The following VWA3B variants were observed in gnomAD, a reference collection of about 807,000 sequenced individuals.
VWA3B encodes the protein von Willebrand factor A domain-containing protein 3B.
A neutral mutation model predicts 158.3 loss-of-function variants in VWA3B; 138 were observed. The ratio of observed to expected loss-of-function variants is 0.87; its 90% CI spans 0.76 to 1.00. The LOEUF (loss-of-function observed/expected upper bound fraction) is 1.00, where lower values mean the gene tolerates loss of function less well. VWA3B is among the 50% of genes least tolerant of loss of function. The pLI is 0.00. For synonymous variants in VWA3B, 596 were observed against 587.3 expected, an observed-to-expected ratio of 1.01 and a Z score of -0.21; for missense variants, 1,555 against 1,565.1, an observed-to-expected ratio of 0.99 and a Z score of 0.11.
intron 21 of VWA3B, 151 bp downstream of exon 21, chr2:98,256,325 A>G (rs1574212965): frequency 1.1e-6 from 1 of 883,590 alleles, no homozygotes; most frequent in Non-Finnish European, 1.7e-6. Flanking sequence ...AAACTTTTTC[A>G]TTACCCCAGA....
At chr2:98,211,050 G>A (rs2105542907) in intron 12 of VWA3B, among the ~76,000 whole-genome samples, 1 of 152,320 alleles carries the variant, frequency 6.6e-6, no homozygotes. Context: ...GAACTGCAGC[G>A]GGGCCCCCAC....
intron 8 of VWA3B, among the ~76,000 whole-genome samples, chr2:98,168,051 T>G (rs1270497623): frequency 1.3e-5 from 2 of 151,906 alleles, no homozygotes; most frequent in African/African-American, 4.8e-5. Context: ...AAGGTCAAAC[T>G]CAAAATGATT....
At chr2:98,240,963 G>A (rs1686038111) in intron 19 of VWA3B, among the ~76,000 whole-genome samples, 1 of 152,156 alleles carries the variant, frequency 6.6e-6, no homozygotes, top group Non-Finnish European at 1.5e-5. Context: ...CTAGAATACA[G>A]TGCCAAACAG....
At chr2:98,090,146 C>G (rs1682174481) in intron 1 of VWA3B, among the ~76,000 whole-genome samples, 1 of 152,206 alleles carries the variant, frequency 6.6e-6, no homozygotes, top group Non-Finnish European at 1.5e-5. Context: ...AAAGTTTCTT[C>G]TGAGCTTCCC....
chr2:98,233,145 T>C (rs920651607), intron 16 of VWA3B, among the ~76,000 whole-genome samples: 1 of 152,200 alleles, frequency 6.6e-6, no homozygotes, highest in Non-Finnish European at 1.5e-5. Context: ...TTTGCCAGAG[T>C]TGCTACTTGT....
At chr2:98,142,245 G>A (rs1355806234) in intron 7 of VWA3B, among the ~76,000 whole-genome samples, 2 of 152,152 alleles carry the variant, frequency 1.3e-5, no homozygotes, top group African/African-American at 4.8e-5. Context: ...GGCTGTGGAT[G>A]TGAAAATCTT....
intron 8 of VWA3B, among the ~76,000 whole-genome samples, chr2:98,168,525 CT>C (rs945194764): frequency 5.9e-5 from 9 of 152,124 alleles, no homozygotes; most frequent in Admixed American, 1.3e-4. Flanking sequence ...AGCCATTCAG[CT>C]TTCTTAACTT....
chr2:98,279,609 A>G (rs1029634158), intron 22 of VWA3B, among the ~76,000 whole-genome samples: 14 of 152,208 alleles, frequency 9.2e-5, no homozygotes, highest in Non-Finnish European at 2.9e-5. Context: ...AGGTCAGTCT[A>G]AGGCAGTCCG....
intron 7 of VWA3B, among the ~76,000 whole-genome samples, chr2:98,147,239 C>T (rs1366083567): frequency 6.6e-6 from 1 of 152,084 alleles, no homozygotes; most frequent in Non-Finnish European, 1.5e-5. Flanking sequence ...GGAAGTGTTG[C>T]TTGGTGCATG....
At chr2:98,310,533 A>G (rs549810329) in intron 26 of VWA3B, among the ~76,000 whole-genome samples, 66 of 152,336 alleles carry the variant, frequency 4.3e-4, no homozygotes, top group Non-Finnish European at 8.4e-4. Context: ...ATCCTAACTC[A>G]TGGAAAATAG....
intron 7 of VWA3B, among the ~76,000 whole-genome samples, chr2:98,136,599 G>A (rs1219388093): frequency 7.1e-6 from 1 of 140,998 alleles, no homozygotes; most frequent in South Asian, 2.2e-4. Context: ...GAGATGAAAG[G>A]GCCAAAAAAA....
intron 2 of VWA3B, among the ~76,000 whole-genome samples, chr2:98,108,652 A>G (rs192032324): frequency 2.0e-5 from 3 of 152,252 alleles, no homozygotes; most frequent in African/African-American, 4.8e-5. Context: ...TTTTTCTAAT[A>G]TAGCCAATCC....
At chr2:98,324,166 CA>C in the VWA3B span, among the ~76,000 whole-genome samples, 1 of 151,668 alleles carries the variant, frequency 6.6e-6, no homozygotes, top group East Asian at 1.9e-4. Flanking sequence ...ACGTCTCTGA[CA>C]CTTTTTTTTT....
chr2:98,198,969 A>T (rs1050627803), intron 12 of VWA3B, among the ~76,000 whole-genome samples: 1 of 151,924 alleles, frequency 6.6e-6, no homozygotes. Flanking sequence ...CGCCTGTAGT[A>T]CCAGCTACTC....
chr2:98,236,355 A>G, intron 17 of VWA3B, 35 bp from the exon 18 acceptor site: 1 of 1,612,034 alleles, frequency 6.2e-7, no homozygotes, highest in Non-Finnish European at 8.5e-7. Context: ...CCCATATGTG[A>G]GGAAAATATA....
chr2:98,090,037 C>G (rs959158817), intron 1 of VWA3B, among the ~76,000 whole-genome samples: 2 of 152,110 alleles, frequency 1.3e-5, no homozygotes, highest in Non-Finnish European at 1.5e-5. Flanking sequence ...AAAGTGCTCC[C>G]TTTTAAACCT....
intron 20 of VWA3B, among the ~76,000 whole-genome samples, chr2:98,252,042 C>G (rs990715891): frequency 6.6e-6 from 1 of 152,176 alleles, no homozygotes; most frequent in Non-Finnish European, 1.5e-5. Context: ...GGCTCCTCTC[C>G]GGTTATGCTG....
chr2:98,202,689 T>G (rs1682658204), intron 12 of VWA3B, among the ~76,000 whole-genome samples: 2 of 152,192 alleles, frequency 1.3e-5, no homozygotes, highest in Admixed American at 6.5e-5. Flanking sequence ...TCTAAAGACT[T>G]GGCCTAATCT....
intron 7 of VWA3B, among the ~76,000 whole-genome samples, chr2:98,149,542 C>A: frequency 6.6e-6 from 1 of 152,150 alleles, no homozygotes; most frequent in South Asian, 2.1e-4. Context: ...CAGAAGCTGA[C>A]ATGAAGTTGC....
Sources: gnomAD v4.1 joint callset for allele counts (sites outside exome capture counted in the v4.1 genomes callset) on GRCh38, gnomAD v4.1.1 for gene constraint, MANE v1.5 for transcripts, NCBI Gene and HGNC (gene_info 2026-07-23, HGNC 2026-07-21) for gene names.